GPC5: variants seen among roughly 807,000 people sequenced by gnomAD.
GPC5 encodes the protein glypican-5.
GPC5 carries 47 observed loss-of-function variants against 53.9 expected under a neutral mutation model. That is an observed-to-expected ratio of 0.87 (90% CI 0.69 to 1.11). GPC5 has a LOEUF of 1.11. GPC5 is among the 50% of genes most tolerant of loss of function. The pLI is 0.00. For synonymous variants in GPC5, 286 were observed against 263.3 expected (o/e 1.09, Z -0.84); for missense variants, 748 against 713.1 (o/e 1.05, Z -0.56).
chr13:92,592,503 A>G (rs1236010431), intron 7 of GPC5, among the ~76,000 whole-genome samples: 1 of 151,312 alleles, frequency 6.6e-6, no homozygotes, highest in Non-Finnish European at 1.5e-5. Flanking sequence ...TGGAGTGGTA[A>G]GGACCACAGA....
intron 7 of GPC5, among the ~76,000 whole-genome samples, chr13:92,358,688 T>A (rs575417015): frequency 6.6e-6 from 1 of 151,920 alleles, no homozygotes; most frequent in East Asian, 1.9e-4. Context: ...TGCCAAAGCT[T>A]ATGGCTTACA....
At chr13:92,139,704 A>G (rs2138976072) in intron 6 of GPC5, among the ~76,000 whole-genome samples, 1 of 148,684 alleles carries the variant, frequency 6.7e-6, no homozygotes, top group East Asian at 2.0e-4. Context: ...TTTAGAATAT[A>G]CTGAATTAAT....
intron 7 of GPC5, among the ~76,000 whole-genome samples, chr13:92,292,713 T>G (rs1369765405): frequency 6.6e-6 from 1 of 152,186 alleles, no homozygotes; most frequent in Non-Finnish European, 1.5e-5. Flanking sequence ...TGCATTTGCT[T>G]TTGGGTTCTT....
intron 7 of GPC5, among the ~76,000 whole-genome samples, chr13:92,557,652 C>A (rs1157522447): frequency 6.6e-6 from 1 of 151,960 alleles, no homozygotes; most frequent in Non-Finnish European, 1.5e-5. Flanking sequence ...TATTGAACAT[C>A]TACTCTGTAT....
intron 6 of GPC5, among the ~76,000 whole-genome samples, chr13:91,947,225 T>A (rs906723047): frequency 6.6e-6 from 1 of 152,190 alleles, no homozygotes; most frequent in African/African-American, 2.4e-5. Context: ...TCCTTATTCA[T>A]ACTGAGGATT....
chr13:92,215,001 A>G (rs2042399955), intron 7 of GPC5, among the ~76,000 whole-genome samples: 1 of 152,196 alleles, frequency 6.6e-6, no homozygotes, highest in Admixed American at 6.5e-5. Flanking sequence ...CTCTGCCTAC[A>G]TCTTCATCTC....
chr13:91,814,521 G>A (rs1431302814), intron 5 of GPC5, among the ~76,000 whole-genome samples: 5 of 148,404 alleles, frequency 3.4e-5, no homozygotes, highest in Admixed American at 3.4e-4. Flanking sequence ...TATGTATTCT[G>A]CAACTTTATT....
At chr13:92,297,241 T>A (rs1161173238) in intron 7 of GPC5, among the ~76,000 whole-genome samples, 5 of 152,162 alleles carry the variant, frequency 3.3e-5, no homozygotes, top group Admixed American at 2.0e-4. Flanking sequence ...CGACACTCTG[T>A]ACCTAGCTGC....
chr13:91,448,752 G>A lies in GPC5; in HGVS notation c.164-9G>A, dbSNP rs772412094. 3.7e-6 allele frequency: 6 copies of A among 1,608,494 alleles called. No individual in the cohort carries two copies. The African/African-American group carries it at 8.1e-5, about 22-fold the overall frequency. The stretch of plus-strand genomic sequence containing the variant: ...AGGTAATCATTCTGAAAAATGTTGT[G>A]TGTTCCAGGACCTGATCTTCAGGTT... On this transcript the variant is annotated splice_polypyrimidine_tract_variant and intron_variant, in intron 1 of 7. Coordinates refer to ENST00000377067, the MANE Select transcript of GPC5 (RefSeq NM_004466.6).
intron 7 of GPC5, among the ~76,000 whole-genome samples, chr13:92,617,767 C>A (rs1234735156): frequency 2.0e-5 from 3 of 152,156 alleles, no homozygotes; most frequent in Admixed American, 6.6e-5. Flanking sequence ...AATTACTACA[C>A]TTTTCAAGAG....
Position 91,444,177 on chromosome 13 carries a change from T to C in GPC5, c.164-4584T>C, listed in dbSNP as rs544513293. Among the ~76,000 whole-genome samples, 129 of 152,304 alleles carry C rather than the reference T, an allele frequency of 8.5e-4. 1 individual carries two copies. The highest frequency in any genetic ancestry group is 2.9e-3 in the African/African-American group (121 of 41,592). On this transcript the variant is annotated intron_variant, in intron 1 of 7. Coordinates refer to ENST00000377067, the MANE Select transcript of GPC5 (RefSeq NM_004466.6). Reference sequence around the variant, plus strand: ...ACGTTTGTGTGATTGGCTCTTGTGTTCCTTCTAGTAAGGCTTCATTTAGAA... The same window carrying C: ...ACGTTTGTGTGATTGGCTCTTGTGTCCCTTCTAGTAAGGCTTCATTTAGAA...
At chr13:92,545,726 A>G (rs1235492168) in intron 7 of GPC5, among the ~76,000 whole-genome samples, 4 of 152,032 alleles carry the variant, frequency 2.6e-5, no homozygotes, top group South Asian at 2.1e-4. Flanking sequence ...TTCTTTTGAG[A>G]AGTGTCTGTT....
intron 5 of GPC5, among the ~76,000 whole-genome samples, chr13:91,906,445 T>C (rs1027682715): frequency 6.6e-6 from 1 of 152,118 alleles, no homozygotes; most frequent in African/African-American, 2.4e-5. Flanking sequence ...ACTTTCATAA[T>C]GTTGTATTTT....
chr13:92,292,523 A>AT (rs963189325), intron 7 of GPC5, among the ~76,000 whole-genome samples: 17 of 150,328 alleles, frequency 1.1e-4, no homozygotes, highest in African/African-American at 2.2e-4. Flanking sequence ...TTTTGATGGG[A>AT]TTTTTTTTTC....
chr13:92,825,257 G>A (rs916866061), intron 7 of GPC5, among the ~76,000 whole-genome samples: 1 of 152,060 alleles, frequency 6.6e-6, no homozygotes, highest in Non-Finnish European at 1.5e-5. Flanking sequence ...TAGACAGTAC[G>A]ACATTTCATA....
intron 5 of GPC5, among the ~76,000 whole-genome samples, chr13:91,826,949 G>A (rs2038585528): frequency 6.6e-6 from 1 of 151,870 alleles, no homozygotes; most frequent in Non-Finnish European, 1.5e-5. Flanking sequence ...TGGGGAGGGG[G>A]AAATAAAGAG....
At chr13:92,159,212 A>C (rs1425926027) in intron 7 of GPC5, among the ~76,000 whole-genome samples, 1 of 152,018 alleles carries the variant, frequency 6.6e-6, no homozygotes, top group Non-Finnish European at 1.5e-5. Flanking sequence ...TTATACTTTT[A>C]TTTTTTTCTG....
intron 7 of GPC5, among the ~76,000 whole-genome samples, chr13:92,250,337 C>A (rs1342226324): frequency 6.6e-6 from 1 of 152,082 alleles, no homozygotes; most frequent in East Asian, 1.9e-4. Context: ...TATTAGCCTT[C>A]AAATAAATAA....
intron 7 of GPC5, among the ~76,000 whole-genome samples, chr13:92,410,139 C>G (rs527671629): frequency 6.6e-6 from 1 of 151,928 alleles, no homozygotes; most frequent in Non-Finnish European, 1.5e-5. Context: ...AATGCTCAGA[C>G]GAAAATAAGC....
Sources: allele counts gnomAD v4.1 joint callset (sites outside exome capture counted in the v4.1 genomes callset), GRCh38; gene constraint gnomAD v4.1.1; transcripts MANE v1.5; gene names NCBI Gene and HGNC (gene_info 2026-07-23, HGNC 2026-07-21).